IL1RAPL2: variants seen among roughly 807,000 people sequenced by gnomAD.
IL1RAPL2 encodes the protein interleukin 1 receptor accessory protein like 2.
In IL1RAPL2, 3 loss-of-function variants were observed where a neutral mutation model predicts 44.1. The ratio of observed to expected loss-of-function variants is 0.07; its 90% CI spans 0.03 to 0.18. The LOEUF (loss-of-function observed/expected upper bound fraction) is 0.18. Among genes scored for constraint, IL1RAPL2 ranks in the 10% least tolerant of loss-of-function variants. IL1RAPL2 has a pLI of 1.00. For synonymous variants in IL1RAPL2, 181 were observed against 178.8 expected (o/e 1.01, Z -0.10); for missense variants, 391 against 496.4 (o/e 0.79, Z 2.02).
At chrX:105,323,540 C>A (rs899074649) in intron 5 of IL1RAPL2, among the ~76,000 whole-genome samples, 11 of 111,362 alleles carry the variant, frequency 9.9e-5, no homozygotes, top group Non-Finnish European at 1.3e-4. Context: ...AGACAGGAAT[C>A]AGATCTTGTG....
chrX:104,861,707 A>C (rs955315366), intron 2 of IL1RAPL2, among the ~76,000 whole-genome samples: 2 of 111,461 alleles, frequency 1.8e-5, no homozygotes, highest in Non-Finnish European at 3.8e-5. Context: ...ATTGCATAGT[A>C]TTTGCATATA....
intron 6 of IL1RAPL2, among the ~76,000 whole-genome samples, chrX:105,685,776 G>GAAA (rs1304699819): frequency 4.5e-5 from 5 of 111,621 alleles, no homozygotes; most frequent in African/African-American, 1.6e-4. Flanking sequence ...TGAAATGAGG[G>GAAA]AAAAAGTGTT....
intron 5 of IL1RAPL2, among the ~76,000 whole-genome samples, chrX:105,314,342 A>T (rs2034820226): frequency 9.2e-6 from 1 of 109,140 alleles, no homozygotes; most frequent in African/African-American, 3.3e-5. Context: ...CCTCTAGTCG[A>T]TCTTGCTGTT....
intron 6 of IL1RAPL2, among the ~76,000 whole-genome samples, chrX:105,710,747 C>T (rs899749024): frequency 9.2e-6 from 1 of 109,096 alleles, no homozygotes; most frequent in Non-Finnish European, 1.9e-5. Context: ...CCTATCTGAG[C>T]CTGTTTCTAA....
At chrX:104,887,197 A>G (rs1479730664) in intron 2 of IL1RAPL2, among the ~76,000 whole-genome samples, 1 of 112,434 alleles carries the variant, frequency 8.9e-6, no homozygotes, top group East Asian at 2.8e-4. Context: ...TCTACACTCT[A>G]ATCAAGGAGA....
At chrX:105,194,367 A>G (rs1365758800) in intron 2 of IL1RAPL2, among the ~76,000 whole-genome samples, 2 of 112,314 alleles carry the variant, frequency 1.8e-5, no homozygotes, top group African/African-American at 6.5e-5. Context: ...CTCTGAGATG[A>G]TTGTTTTTTA....
intron 4 of IL1RAPL2, among the ~76,000 whole-genome samples, chrX:105,249,334 C>A (rs937948877): frequency 6.3e-5 from 7 of 110,499 alleles, no homozygotes; most frequent in Non-Finnish European, 1.3e-4. Context: ...AGGATTGTTA[C>A]CAGAGGCTGG....
In IL1RAPL2 at chrX:104,753,315, T is replaced by TTA. The variant is rs1486091150; in HGVS notation, c.82+94330_82+94331dup. On this transcript the variant is annotated intron_variant, in intron 2 of 10. Coordinates refer to ENST00000372582, the MANE Select transcript of IL1RAPL2 (RefSeq NM_017416.2). ...GATTTGTATCATAATCTCTTCACAGTTATATATATATTTGGGGAGAGGAAG... is the reference window on the plus strand; with the variant it reads ...GATTTGTATCATAATCTCTTCACAGTTATATATATATATTTGGGGAGAGGAAG... Among the ~76,000 whole-genome samples the TTA allele has an allele frequency of 2.7e-5, 3 of 110,306 alleles. No homozygotes were observed. The East Asian group carries it at 8.6e-4, about 31-fold the overall frequency.
intron 6 of IL1RAPL2, among the ~76,000 whole-genome samples, chrX:105,627,424 G>A (rs756870246): frequency 9.0e-6 from 1 of 111,140 alleles, no homozygotes; most frequent in Non-Finnish European, 1.9e-5. Context: ...CTATATTTTC[G>A]GAATCACAAT....
chrX:104,885,708 A>G (rs2147661324), intron 2 of IL1RAPL2, among the ~76,000 whole-genome samples: 1 of 112,505 alleles, frequency 8.9e-6, no homozygotes, highest in South Asian at 3.7e-4. Context: ...TGGCCCTCAG[A>G]CAAACAAACC....
chrX:105,295,804 C>A (rs769655354), intron 5 of IL1RAPL2, among the ~76,000 whole-genome samples: 3 of 111,361 alleles, frequency 2.7e-5, no homozygotes, highest in East Asian at 5.7e-4. Flanking sequence ...ATTACTTAAT[C>A]CTTTTTCCTG....
At chrX:104,740,535 A>G (rs2147577661) in intron 2 of IL1RAPL2, among the ~76,000 whole-genome samples, 1 of 110,933 alleles carries the variant, frequency 9.0e-6, no homozygotes, top group Admixed American at 9.7e-5. Flanking sequence ...TTCATATTTG[A>G]GAAAATGAAG....
At chrX:105,218,164 A>T (rs951705010) in intron 3 of IL1RAPL2, among the ~76,000 whole-genome samples, 1 of 111,207 alleles carries the variant, frequency 9.0e-6, no homozygotes, top group Non-Finnish European at 1.9e-5. Context: ...TGTAAAGGGG[A>T]TTTTCATGTA....
chrX:104,685,177 C>T (rs1459610664), intron 2 of IL1RAPL2, among the ~76,000 whole-genome samples: 1 of 111,777 alleles, frequency 8.9e-6, no homozygotes, highest in Non-Finnish European at 1.9e-5. Flanking sequence ...AAGATTATTA[C>T]CTTTTGATTC....
At chrX:105,283,436 G>A (rs780669180) in intron 5 of IL1RAPL2, among the ~76,000 whole-genome samples, 25 of 111,272 alleles carry the variant, frequency 2.2e-4, no homozygotes, top group Non-Finnish European at 4.7e-4. Flanking sequence ...GGAACAGCAT[G>A]TGTCAGCTAT....
At chrX:105,430,750 C>T (rs1428337535) in intron 5 of IL1RAPL2, among the ~76,000 whole-genome samples, 2 of 111,481 alleles carry the variant, frequency 1.8e-5, no homozygotes, top group Non-Finnish European at 3.8e-5. Context: ...AGTTACCTAA[C>T]TAAAGGGCAT....
intron 5 of IL1RAPL2, among the ~76,000 whole-genome samples, chrX:105,386,366 A>G (rs1412016002): frequency 2.7e-5 from 3 of 111,727 alleles, no homozygotes; most frequent in African/African-American, 9.7e-5. Context: ...TGAGTTGTAC[A>G]TGGCTGGATT....
intron 2 of IL1RAPL2, among the ~76,000 whole-genome samples, chrX:104,811,201 A>C (rs1474483978): frequency 3.6e-5 from 4 of 111,575 alleles, no homozygotes; most frequent in African/African-American, 9.8e-5. Context: ...AAAACCCTGA[A>C]TTGCATAGTG....
chrX:104,648,844 A>G (rs756421205), intron 1 of IL1RAPL2, among the ~76,000 whole-genome samples: 2 of 111,461 alleles, frequency 1.8e-5, no homozygotes, highest in African/African-American at 6.5e-5. Flanking sequence ...TGGACTATGT[A>G]TGGAGCCCAA....
Sources: gnomAD v4.1 joint callset for allele counts (sites outside exome capture counted in the v4.1 genomes callset) on GRCh38, gnomAD v4.1.1 for gene constraint, MANE v1.5 for transcripts, NCBI Gene and HGNC (gene_info 2026-07-23, HGNC 2026-07-21) for gene names.